Variants in NEK11 observed in about 807,000 individuals in gnomAD.
The protein encoded by NEK11 is NIMA related kinase 11, also known as serine/threonine-protein kinase Nek11.
In NEK11, 72 loss-of-function variants were observed where a neutral mutation model predicts 80.7. That is an observed-to-expected ratio of 0.89 (90% CI 0.74 to 1.08). NEK11 has a LOEUF of 1.08. NEK11 is among the 50% of genes least tolerant of loss of function. NEK11 has a pLI of 0.00. For synonymous variants in NEK11, 251 were observed against 260.7 expected (o/e 0.96, Z 0.36); for missense variants, 764 against 763.6 (o/e 1.00, Z -0.01).
At chr3:131,138,387 C>T (rs1404772654) in intron 7 of NEK11, among the ~76,000 whole-genome samples, 1 of 152,056 alleles carries the variant, frequency 6.6e-6, no homozygotes, top group Non-Finnish European at 1.5e-5. Context: ...CCAGCACAGC[C>T]ACAGTAGAAT....
At chr3:131,189,310 C>A (rs770822096) in intron 14 of NEK11, among the ~76,000 whole-genome samples, 4 of 152,206 alleles carry the variant, frequency 2.6e-5, no homozygotes, top group Non-Finnish European at 5.9e-5. Flanking sequence ...TTGTCTTAGT[C>A]TGTTCAGGCT....
At chr3:131,209,442 T>A (rs545721899) in intron 14 of NEK11, among the ~76,000 whole-genome samples, 1 of 152,296 alleles carries the variant, frequency 6.6e-6, no homozygotes, top group South Asian at 2.1e-4. Context: ...AATTCTCTTT[T>A]TTTGTTGTGT....
At chr3:131,185,475 C>A (rs762357442) in intron 14 of NEK11, among the ~76,000 whole-genome samples, 23 of 152,218 alleles carry the variant, frequency 1.5e-4, no homozygotes, top group Middle Eastern at 6.8e-3. Context: ...TTTACTGGTT[C>A]AAAGATTTCC....
At chr3:131,170,178 TAC>T (rs751325198) in intron 13 of NEK11, among the ~76,000 whole-genome samples, 1 of 151,938 alleles carries the variant, frequency 6.6e-6, no homozygotes, top group African/African-American at 2.4e-5. Context: ...CAAACACAAA[TAC>T]ACACACACAC....
At chr3:131,272,108 AG>A (rs1455870673) in intron 16 of NEK11, among the ~76,000 whole-genome samples, 1 of 148,968 alleles carries the variant, frequency 6.7e-6, no homozygotes, top group Non-Finnish European at 1.5e-5. Flanking sequence ...CTCAAAAAAA[AG>A]AAGAAGAAAA....
At chr3:131,085,428 G>C (rs1042942911) in intron 4 of NEK11, among the ~76,000 whole-genome samples, 68 of 152,178 alleles carry the variant, frequency 4.5e-4, no homozygotes, top group African/African-American at 1.6e-3. Context: ...GAATTTTCAG[G>C]TAGGATTAAT....
intron 5 of NEK11, among the ~76,000 whole-genome samples, chr3:131,121,375 T>C (rs1453345004): frequency 6.6e-6 from 1 of 152,202 alleles, no homozygotes; most frequent in Non-Finnish European, 1.5e-5. Context: ...CACCTGGCTG[T>C]AGGAGGTGTC....
At chr3:131,122,149 T>G (rs1225021091) in intron 5 of NEK11, among the ~76,000 whole-genome samples, 3 of 152,190 alleles carry the variant, frequency 2.0e-5, no homozygotes, top group Non-Finnish European at 2.9e-5. Flanking sequence ...AAAGGTAGTG[T>G]TAAGAACTCA....
In NEK11 at chr3:131,134,473, T is replaced by A. The variant is rs533894360; in HGVS notation, c.647+517T>A. Among the ~76,000 whole-genome samples, 10 of 152,134 alleles carry A rather than the reference T, an allele frequency of 6.6e-5. No individual in the cohort carries two copies. The South Asian group carries it at 2.1e-3, about 32-fold the overall frequency. On this transcript the variant is annotated intron_variant, in intron 7 of 17. Coordinates refer to ENST00000383366, the MANE Select transcript of NEK11 (RefSeq NM_024800.5). ...TGGAGTGCAGTGGTGTGATCTCAGC[T>A]CACTGCAACCTCCACCTCTTGGGTT...
At chr3:131,152,740 A>G (rs753265082) in intron 9 of NEK11, 31 bp downstream of exon 9, 3 of 1,439,324 alleles carry the variant, frequency 2.1e-6, no homozygotes, top group Non-Finnish European at 2.9e-6. Context: ...TCTGGGAAAC[A>G]GGTATGAGCA....
chr3:131,196,030 G>T (rs1033540089), intron 14 of NEK11, among the ~76,000 whole-genome samples: 8 of 151,240 alleles, frequency 5.3e-5, no homozygotes, highest in African/African-American at 1.9e-4. Flanking sequence ...AAAGTCCTTT[G>T]TAAGTTATTA....
chr3:131,122,574 A>G (rs1041554214), intron 5 of NEK11, among the ~76,000 whole-genome samples: 6 of 152,228 alleles, frequency 3.9e-5, no homozygotes, highest in Admixed American at 3.9e-4. Context: ...TGTGCATCAC[A>G]AAGGAGCCAT....
intron 3 of NEK11, among the ~76,000 whole-genome samples, chr3:131,042,922 A>G (rs769147163): frequency 1.3e-4 from 20 of 152,344 alleles, no homozygotes; most frequent in Admixed American, 2.6e-4. Flanking sequence ...AGGAACAGGC[A>G]GCAATCTTTG....
intron 14 of NEK11, among the ~76,000 whole-genome samples, chr3:131,199,674 G>T (rs1459772255): frequency 6.6e-6 from 1 of 151,540 alleles, no homozygotes; most frequent in East Asian, 1.9e-4. Context: ...ACTACAAATA[G>T]AAGTAAAATA....
chr3:131,074,173 C>T (rs1369343437), intron 3 of NEK11, among the ~76,000 whole-genome samples: 1 of 152,138 alleles, frequency 6.6e-6, no homozygotes, highest in Non-Finnish European at 1.5e-5. Context: ...CATTCAAATC[C>T]TTGTCTCAGG....
chr3:131,215,648 T>C (rs550552108), intron 14 of NEK11, among the ~76,000 whole-genome samples: 117 of 152,280 alleles, frequency 7.7e-4, no homozygotes, highest in Non-Finnish European at 1.5e-3. Flanking sequence ...CTCAGTTACA[T>C]GAAGAGGCTT....
chr3:131,087,489 A>T (rs2076149973), intron 4 of NEK11, among the ~76,000 whole-genome samples: 1 of 152,018 alleles, frequency 6.6e-6, no homozygotes, highest in South Asian at 2.1e-4. Flanking sequence ...TGATCCGCCC[A>T]CGTCAGCCTC....
chr3:131,182,461 G>A (rs752954582), intron 14 of NEK11, among the ~76,000 whole-genome samples: 1 of 152,158 alleles, frequency 6.6e-6, no homozygotes, highest in Non-Finnish European at 1.5e-5. Context: ...ACTTGTCTCT[G>A]ATCTTGCAGG....
chr3:131,170,711 A>G (rs1359756086), intron 13 of NEK11, 62 bp from the exon 14 acceptor site: 2 of 991,412 alleles, frequency 2.0e-6, no homozygotes, highest in Admixed American at 1.8e-5. Flanking sequence ...TATTTTTTTC[A>G]TTTGTGGTAG....
Sources: allele counts gnomAD v4.1 joint callset (sites outside exome capture counted in the v4.1 genomes callset), GRCh38; gene constraint gnomAD v4.1.1; transcripts MANE v1.5; gene names NCBI Gene and HGNC (gene_info 2026-07-23, HGNC 2026-07-21).